The following PSMD3 variants were observed in gnomAD, a reference collection of about 807,000 sequenced individuals.
PSMD3 encodes the protein proteasome 26S subunit, non-ATPase 3, also known as 26S proteasome non-ATPase regulatory subunit 3.
Under a neutral mutation model 62.8 loss-of-function variants are expected in PSMD3, and 5 were observed. The ratio of observed to expected loss-of-function variants is 0.08; its 90% CI spans 0.04 to 0.17. The LOEUF is 0.17. Among genes scored for constraint, PSMD3 ranks in the 10% least tolerant of loss-of-function variants. The pLI, the probability that PSMD3 is intolerant of heterozygous loss-of-function variation, is 1.00. For synonymous variants in PSMD3, 265 were observed against 283.9 expected, an observed-to-expected ratio of 0.93 and a Z score of 0.67; for missense variants, 524 against 713.6, an observed-to-expected ratio of 0.73 and a Z score of 3.03.
At chr17:39,982,570 T>C (rs562434303) in intron 1 of PSMD3, among the ~76,000 whole-genome samples, 3 of 152,364 alleles carry the variant, frequency 2.0e-5, no homozygotes, top group Admixed American at 2.0e-4. Context: ...AATATAATGG[T>C]TAAGAGTACA....
At chr17:39,985,144 C>T (rs1359705989) in intron 2 of PSMD3, among the ~76,000 whole-genome samples, 3 of 152,122 alleles carry the variant, frequency 2.0e-5, no homozygotes, top group African/African-American at 7.2e-5. Context: ...AGGAGGATCA[C>T]TTGAATGCAG....
In PSMD3 at chr17:39,982,785, T is replaced by A. The variant is rs192539514; in HGVS notation, c.221-1509T>A. 2.9e-3 allele frequency among the ~76,000 whole-genome samples: 439 copies of A among 152,338 alleles called. 2 individuals carry two copies. The highest frequency in any genetic ancestry group is 0.01 in the African/African-American group (422 of 41,582). Reference sequence around the variant, plus strand: ...CTAAGAAACTACTCATTGATTGCATTCCCTTATTGCTTTGCATTTAAACTG... The same window carrying A: ...CTAAGAAACTACTCATTGATTGCATACCCTTATTGCTTTGCATTTAAACTG... On this transcript the variant is annotated intron_variant, in intron 1 of 11. Coordinates refer to ENST00000264639, the MANE Select transcript of PSMD3 (RefSeq NM_002809.4).
Position 39,992,024 on chromosome 17 carries a change from C to CAAAAAAAAAAAAAAAAAAAAA in PSMD3, c.981+1836_981+1837insAAAAAAAAAAAAAAAAAAAAA, listed in dbSNP as rs59894264. Among the ~76,000 whole-genome samples the CAAAAAAAAAAAAAAAAAAAAA allele has an allele frequency of 3.0e-4, 31 of 102,062 alleles. 4 individuals are homozygous for CAAAAAAAAAAAAAAAAAAAAA. The highest frequency in any genetic ancestry group is 3.8e-4 in the African/African-American group (11 of 28,672). The allele number at this position is 102,062 out of a possible 152,430, so 67.0% of individuals were successfully genotyped here. ...TGGGCGACAGAGCAAGACTCTGTCT[C>CAAAAAAAAAAAAAAAAAAAAA]AAAAAAAAACAAACATTAAAATTGA... On this transcript the variant is annotated intron_variant, in intron 6 of 11. Coordinates refer to ENST00000264639, the MANE Select transcript of PSMD3 (RefSeq NM_002809.4).
Position 39,997,837 on chromosome 17 carries a change from G to C in PSMD3, c.*256G>C, listed in dbSNP as rs1424517133. 1 of 561,570 alleles carries C rather than the reference G, an allele frequency of 1.8e-6. No individual in the cohort carries two copies. Among genetic ancestry groups the C allele is most frequent in the Non-Finnish European group, 3.2e-6 (1 of 311,750 alleles). 34.8% of individuals were successfully genotyped at this position (561,570 alleles called of 1,614,324 possible). A position where few individuals can be genotyped will look rare whatever the true frequency, so the allele number is the denominator to read the frequency against. ...GTCCTGGCCAGCAGTGTGGGAGCAG[G>C]AGGGGAAGGATAGTTCTGTGTACTC... On this transcript the variant is annotated 3_prime_UTR_variant, in exon 12 of 12. Transcript: ENST00000264639.
chr17:39,986,778 G>A lies in PSMD3; in HGVS notation c.549+66G>A, dbSNP rs1980536833. 2.8e-5 allele frequency: 44 copies of A among 1,556,460 alleles called. No homozygotes were observed. The South Asian group carries it at 4.9e-4, about 17-fold the overall frequency. ...GATGCAAGGGGTTTGGCGGGGAGAT[G>A]GTCCCTGGTGAAGAAATGGAAATAA... On this transcript the variant is annotated intron_variant, in intron 3 of 11. Coordinates refer to ENST00000264639, the MANE Select transcript of PSMD3 (RefSeq NM_002809.4).
chr17:39,985,459 C>T (rs955337326), intron 2 of PSMD3, among the ~76,000 whole-genome samples: 4 of 152,178 alleles, frequency 2.6e-5, no homozygotes, highest in Admixed American at 6.5e-5. Flanking sequence ...GTGGTGGTGG[C>T]GCCTCCGTGC....
At chr17:39,984,699 A>C (rs185768111) in intron 2 of PSMD3, among the ~76,000 whole-genome samples, 11 of 152,284 alleles carry the variant, frequency 7.2e-5, no homozygotes, top group Admixed American at 7.2e-4. Flanking sequence ...GGACCCTCCC[A>C]GCCAAACTCA....
intron 1 of PSMD3, among the ~76,000 whole-genome samples, chr17:39,983,189 C>T (rs931975954): frequency 2.6e-5 from 4 of 152,086 alleles, no homozygotes; most frequent in East Asian, 1.9e-4. Context: ...CCCACCACCA[C>T]GCCCGGCTAA....
rs776482302 is a variant in PSMD3, at chr17:39,981,042, A to G, written c.72A>G (p.Gln24=). 23 of 1,549,706 alleles carry G rather than the reference A, an allele frequency of 1.5e-5. No individual in the cohort carries two copies. The highest frequency in any genetic ancestry group is 1.7e-5 in the Non-Finnish European group (20 of 1,146,790). Residue 24 remains glutamine (Q), a synonymous_variant, in exon 1 of 12, where the codon CAA becomes CAG. Coordinates refer to ENST00000264639, the MANE Select transcript of PSMD3 (RefSeq NM_002809.4). Reference sequence around the variant, plus strand: ...AACCGCCGCCCGGCGGAGGAGAACAAGAACCCCCACCGCCGCCGGCCCCCC... The same window carrying G: ...AACCGCCGCCCGGCGGAGGAGAACAGGAACCCCCACCGCCGCCGGCCCCCC... The part of the protein sequence containing the change: ...KAKPPPGGGE[Q]EPPPPPAPQD...
chr17:39,984,733 A>T (rs1208219597), intron 2 of PSMD3, among the ~76,000 whole-genome samples: 1 of 151,886 alleles, frequency 6.6e-6, no homozygotes, highest in Non-Finnish European at 1.5e-5. Flanking sequence ...TGCAACCTGT[A>T]CCCCCTACTC....
At position 39,990,145 on chromosome 17, in the gene PSMD3, C is replaced by G; in HGVS notation, c.929C>G (p.Thr310Ser). 1 of 1,614,070 alleles carries G rather than the reference C, an allele frequency of 6.2e-7. No individual in the cohort carries two copies. Among genetic ancestry groups the G allele is most frequent in the Non-Finnish European group, 8.5e-7 (1 of 1,180,016 alleles). ...LEYSEARRTM[T>S]NALRKAPQHT... is the part of the protein sequence containing the mutation. ...TACTCAGAGGCCCGGAGAACGATGA[C>G]CAACGCCCTTCGCAAGGCCCCTCAG... Residue 310 changes from threonine (T) to serine (S), a missense_variant, in exon 6 of 12, where the codon ACC (threonine) becomes AGC (serine). Thr to Ser is a moderately conservative substitution (Grantham distance 58, BLOSUM62 1). Around this residue, in one of 4 missense-constraint regions of PSMD3, gnomAD observed 396 missense variants for 475.8 expected, o/e 0.83. Coordinates refer to ENST00000264639, the MANE Select transcript of PSMD3 (RefSeq NM_002809.4).
Position 39,997,371 on chromosome 17 carries a change from G to A in PSMD3, c.1518G>A (p.Glu506=). The change falls in exon 11 of 12, where the codon GAG becomes GAA. Residue 506 remains glutamate, a synonymous_variant. Coordinates refer to ENST00000264639, the MANE Select transcript of PSMD3 (RefSeq NM_002809.4). ...FPPKSYNKDL[E]SAEERREREQ... ...CCAAATCGTACAACAAGGACTTGGAGTCTGCAGAGGTAAGCTCTCTGCTTT... is the reference window on the plus strand; with the variant it reads ...CCAAATCGTACAACAAGGACTTGGAATCTGCAGAGGTAAGCTCTCTGCTTT... The A allele has an allele frequency of 6.2e-7, 1 of 1,614,204 alleles. No individual in the cohort carries two copies. The highest frequency in any genetic ancestry group is 1.1e-5 in the South Asian group (1 of 91,088).
chr17:39,997,255 G>A lies in PSMD3; in HGVS notation c.1477-75G>A, dbSNP rs1980805482. 9.1e-6 allele frequency: 13 copies of A among 1,426,392 alleles called. No homozygotes were observed. In the Admixed American group the frequency reaches 1.3e-4, roughly 15 times the overall value. The allele number at this position is 1,426,392 out of a possible 1,614,324, so 88.4% of individuals were successfully genotyped here. A position where few individuals can be genotyped will look rare whatever the true frequency, so the allele number is the denominator to read the frequency against. ...CTGGTGTCTAGCTCACAGAGGGGAC[G>A]CAGGGAGTGCAGGTTGCGTGAGTGC... On this transcript the variant is annotated intron_variant, in intron 10 of 11. Transcript: ENST00000264639.
At position 39,980,896 on chromosome 17, in the gene PSMD3, C is replaced by T; in HGVS notation, c.-75C>T. On this transcript the variant is annotated 5_prime_UTR_variant, in exon 1 of 12. Transcript: ENST00000264639. Reference sequence around the variant, plus strand: ...GCGCTCGTGTGCAGGCCCGGCTCGGCTCCTGGTCCCCGGTGCGAGGGTTAA... The same window carrying T: ...GCGCTCGTGTGCAGGCCCGGCTCGGTTCCTGGTCCCCGGTGCGAGGGTTAA... 1 of 1,332,594 alleles carries T rather than the reference C, an allele frequency of 7.5e-7. No individual in the cohort carries two copies. Among genetic ancestry groups the T allele is most frequent in the Non-Finnish European group, 9.9e-7 (1 of 1,007,544 alleles). 82.5% of individuals were successfully genotyped at this position (1,332,594 alleles called of 1,614,324 possible).
At chr17:39,985,410 G>A (rs549133370) in intron 2 of PSMD3, among the ~76,000 whole-genome samples, 1 of 152,192 alleles carries the variant, frequency 6.6e-6, no homozygotes, top group Non-Finnish European at 1.5e-5. Flanking sequence ...CTAGAGCAGT[G>A]CCTGGTACGT....
rs1257917025 is a variant in PSMD3, at chr17:39,996,674, G to A, written c.1476+336G>A. 3.9e-6 allele frequency: 2 copies of A among 510,364 alleles called. No individual in the cohort carries two copies. The highest frequency in any genetic ancestry group is 3.1e-5 in the South Asian group (2 of 65,044). 31.6% of individuals were successfully genotyped at this position (510,364 alleles called of 1,614,324 possible). ...CTCCATCTCTGAAGCTGATAGGGAG[G>A]TGTTACCTGTCTTGCTTGCTTCACA... On this transcript the variant is annotated intron_variant, in intron 10 of 11. Coordinates refer to ENST00000264639, the MANE Select transcript of PSMD3 (RefSeq NM_002809.4). This position sits in a 1 kb window ranked among gnomAD's most constrained non-coding sequence, Gnocchi z 5.1.
At chr17:39,986,004 C>T (rs1017951273) in intron 2 of PSMD3, among the ~76,000 whole-genome samples, 4 of 152,172 alleles carry the variant, frequency 2.6e-5, no homozygotes, top group Admixed American at 6.5e-5. Flanking sequence ...TTCCTTACAT[C>T]GTCCTTTGTC....
chr17:39,989,764 G>T lies in PSMD3; in HGVS notation c.712G>T (p.Ala238Ser). 1.2e-6 allele frequency: 2 copies of T among 1,613,952 alleles called. No homozygotes were observed. Among genetic ancestry groups the T allele is most frequent in the Non-Finnish European group, 1.7e-6 (2 of 1,180,032 alleles). ...CTTCTTGCATGCTCGGCTCCGGACAGCTACGCTTCGGCATGACGCAGACGG... is the reference window on the plus strand; with the variant it reads ...CTTCTTGCATGCTCGGCTCCGGACATCTACGCTTCGGCATGACGCAGACGG... ...RSFLHARLRTATLRHDADGQA... is the reference protein window; with the variant it reads ...RSFLHARLRTSTLRHDADGQA... Residue 238 changes from alanine (A) to serine (S), a missense_variant, in exon 5 of 12, where the codon GCT becomes TCT. By Grantham distance (99) the Ala-to-Ser change is moderately conservative. Around this residue, in one of 4 missense-constraint regions of PSMD3, gnomAD observed 396 missense variants for 475.8 expected, o/e 0.83. Transcript: ENST00000264639.
chr17:39,984,476 C>A lies in PSMD3; in HGVS notation c.403C>A (p.Leu135Met). 6.2e-7 allele frequency: 1 copy of A among 1,611,176 alleles called. No individual in the cohort carries two copies. ...NATRDFLLPF[L>M]EEPMDTEADL... ...CACTCGAGACTTTTTGCTCCCCTTCCTGGAAGAGGTGAGTGAGTCAGGCCA... is the reference window on the plus strand; with the variant it reads ...CACTCGAGACTTTTTGCTCCCCTTCATGGAAGAGGTGAGTGAGTCAGGCCA... The change falls in exon 2 of 12, where the codon CTG becomes ATG. Residue 135 changes from leucine (L) to methionine (M), a missense_variant. Coordinates refer to ENST00000264639, the MANE Select transcript of PSMD3 (RefSeq NM_002809.4).
Sources: allele counts gnomAD v4.1 joint callset (sites outside exome capture counted in the v4.1 genomes callset), GRCh38; gene constraint gnomAD v4.1.1; regional missense constraint gnomAD v4.1.1; non-coding constraint Gnocchi (gnomAD v3.1); transcripts MANE v1.5; gene names NCBI Gene and HGNC (gene_info 2026-07-23, HGNC 2026-07-21).